SUGCT: variants seen among roughly 807,000 people sequenced by gnomAD.
SUGCT encodes the protein succinyl-CoA:glutarate-CoA transferase.
A neutral mutation model predicts 55.0 loss-of-function variants in SUGCT; 41 were observed. That is an observed-to-expected ratio of 0.74 (90% CI 0.58 to 0.97). The LOEUF (loss-of-function observed/expected upper bound fraction) is 0.97. Ranked by LOEUF, SUGCT falls within the 50% of genes least tolerant of loss-of-function variation. The pLI, the probability that SUGCT is intolerant of heterozygous loss-of-function variation, is 0.00. For synonymous variants in SUGCT, 187 were observed against 200.4 expected (o/e 0.93, Z 0.56); for missense variants, 568 against 547.8 (o/e 1.04, Z -0.37).
chr7:40,856,017 A>C (rs1794150403), intron 13 of SUGCT, among the ~76,000 whole-genome samples: 1 of 152,168 alleles, frequency 6.6e-6, no homozygotes, highest in East Asian at 1.9e-4. Context: ...CCTTCTTCTT[A>C]GTCCTATTTC....
intron 11 of SUGCT, among the ~76,000 whole-genome samples, chr7:40,483,383 G>C (rs973723225): frequency 6.6e-6 from 1 of 152,118 alleles, no homozygotes; most frequent in African/African-American, 2.4e-5. Flanking sequence ...TGTTAGTGTA[G>C]TTTTGTTTAT....
intron 9 of SUGCT, among the ~76,000 whole-genome samples, chr7:40,363,947 T>G (rs1351966054): frequency 6.6e-6 from 1 of 152,210 alleles, no homozygotes; most frequent in Admixed American, 6.5e-5. Context: ...TGTGGGAGTC[T>G]TAAATCTCTT....
the SUGCT span, among the ~76,000 whole-genome samples, chr7:41,035,820 G>A: frequency 6.6e-6 from 1 of 152,198 alleles, no homozygotes; most frequent in Non-Finnish European, 1.5e-5. Context: ...TCTCCACACA[G>A]CCTGCACTGC....
intron 12 of SUGCT, among the ~76,000 whole-genome samples, chr7:40,723,675 T>C (rs1786466665): frequency 1.3e-5 from 2 of 152,196 alleles, no homozygotes; most frequent in Non-Finnish European, 2.9e-5. Context: ...AGGAAATCTC[T>C]AATTTGTTTT....
At chr7:40,448,547 C>A (rs1015379141) in intron 9 of SUGCT, among the ~76,000 whole-genome samples, 3 of 151,942 alleles carry the variant, frequency 2.0e-5, no homozygotes, top group African/African-American at 7.2e-5. Flanking sequence ...AACCAACTAT[C>A]CAAATATAAA....
intron 12 of SUGCT, among the ~76,000 whole-genome samples, chr7:40,570,850 C>CTTTTTTTTTTTTTTTTTTTTTTTTTT (rs776733346): frequency 1.9e-5 from 1 of 52,304 alleles, no homozygotes; most frequent in African/African-American, 8.7e-5. Flanking sequence ...GCTTTAGGCT[C>CTTTTTTTTTTTTTTTTTTTTTTTTTT]TTTTTTTTTT....
At chr7:40,906,453 T>A in the SUGCT span, among the ~76,000 whole-genome samples, 3 of 152,210 alleles carry the variant, frequency 2.0e-5, no homozygotes, top group African/African-American at 7.2e-5. Flanking sequence ...TGTAATTTTT[T>A]ATTGTCCTGA....
rs745318484 is a variant in SUGCT, at chr7:40,829,262, ACTGCTGCTG to A, written c.1154-31036_1154-31028del. The stretch of plus-strand genomic sequence containing the variant: ...TATAGCTAGCCAGCAATCCATAAGG[ACTGCTGCTG>A]CTGCTGCTGCTGCTGCTCTGGGCAG... On this transcript the variant is annotated intron_variant, in intron 13 of 13. Coordinates refer to ENST00000335693, the MANE Select transcript of SUGCT (RefSeq NM_001193313.2). 7.9e-5 allele frequency among the ~76,000 whole-genome samples: 12 copies of A among 151,936 alleles called. No homozygotes were observed. The East Asian group carries it at 1.5e-3, about 20-fold the overall frequency.
At chr7:40,942,284 T>C in the SUGCT span, among the ~76,000 whole-genome samples, 3 of 152,160 alleles carry the variant, frequency 2.0e-5, no homozygotes. Flanking sequence ...AGCATTTGCT[T>C]GTCTGAAAGA....
chr7:40,533,893 T>A (rs183436392), intron 12 of SUGCT, among the ~76,000 whole-genome samples: 1 of 152,302 alleles, frequency 6.6e-6, no homozygotes, highest in African/African-American at 2.4e-5. Flanking sequence ...ACAGTCTTTT[T>A]ACAGATGTAC....
chr7:40,886,212 T>C, the SUGCT span, among the ~76,000 whole-genome samples: 2 of 152,316 alleles, frequency 1.3e-5, no homozygotes, highest in South Asian at 4.1e-4. Flanking sequence ...CTTTATTTTC[T>C]AGGCTTCATT....
chr7:40,360,010 G>T (rs983298117), intron 9 of SUGCT, among the ~76,000 whole-genome samples: 1 of 152,014 alleles, frequency 6.6e-6, no homozygotes, highest in Non-Finnish European at 1.5e-5. Flanking sequence ...TGCTGTGCAT[G>T]TGTGTGCAAG....
intron 12 of SUGCT, among the ~76,000 whole-genome samples, chr7:40,543,839 C>T (rs1381456354): frequency 6.6e-6 from 1 of 152,080 alleles, no homozygotes; most frequent in Non-Finnish European, 1.5e-5. Flanking sequence ...AGTATATGTG[C>T]CTATATATTT....
the SUGCT span, among the ~76,000 whole-genome samples, chr7:40,947,006 T>TC: frequency 6.6e-6 from 1 of 152,162 alleles, no homozygotes; most frequent in Non-Finnish European, 1.5e-5. Flanking sequence ...ATATTTTTCT[T>TC]CAAGTTTGGA....
chr7:40,286,687 G>A (rs1002323528), intron 8 of SUGCT, among the ~76,000 whole-genome samples: 4 of 152,212 alleles, frequency 2.6e-5, no homozygotes, highest in Admixed American at 2.0e-4. Context: ...TCTACTAGCA[G>A]TTGTGATTGG....
chr7:40,266,906 C>T (rs1791616063), intron 7 of SUGCT, among the ~76,000 whole-genome samples: 1 of 152,042 alleles, frequency 6.6e-6, no homozygotes, highest in Admixed American at 6.6e-5. Context: ...TCCCAAGCTA[C>T]TCGGGAGGCT....
At chr7:40,534,580 A>T (rs1400327567) in intron 12 of SUGCT, among the ~76,000 whole-genome samples, 1 of 151,952 alleles carries the variant, frequency 6.6e-6, no homozygotes, top group African/African-American at 2.4e-5. Context: ...CGCCGTGCCC[A>T]GCTGATTTTT....
At chr7:40,930,039 T>A in the SUGCT span, among the ~76,000 whole-genome samples, 12 of 152,218 alleles carry the variant, frequency 7.9e-5, no homozygotes. Context: ...TCTTCTAGTG[T>A]TTTTATGGTT....
intron 12 of SUGCT, among the ~76,000 whole-genome samples, chr7:40,605,162 C>G (rs1031688613): frequency 2.0e-5 from 3 of 152,314 alleles, no homozygotes; most frequent in Non-Finnish European, 2.9e-5. Flanking sequence ...GGAAATACAG[C>G]CTTGAGTTAT....
Sources: gnomAD v4.1 joint callset for allele counts (sites outside exome capture counted in the v4.1 genomes callset) on GRCh38, gnomAD v4.1.1 for gene constraint, MANE v1.5 for transcripts, NCBI Gene and HGNC (gene_info 2026-07-23, HGNC 2026-07-21) for gene names.